Variants in PSMB1 observed in about 807,000 individuals in gnomAD.
PSMB1 encodes proteasome 20S subunit beta 1, also known as proteasome subunit beta type-1.
PSMB1 carries 7 observed loss-of-function variants against 25.4 expected under a neutral mutation model. The ratio of observed to expected loss-of-function variants is 0.28; its 90% CI spans 0.16 to 0.52. PSMB1 has a LOEUF of 0.52. Ranked by LOEUF, PSMB1 falls within the 20% of genes least tolerant of loss-of-function variation. The pLI, the probability that PSMB1 is intolerant of heterozygous loss-of-function variation, is 0.97. For missense variants in PSMB1, 284 were observed against 302.2 expected (o/e 0.94, Z 0.45); for synonymous variants, 119 against 115.0 (o/e 1.03, Z -0.22).
At chr6:170,543,460 C>A in intron 4 of PSMB1, 141 bp downstream of exon 4, 1 of 917,842 alleles carries the variant, frequency 1.1e-6, no homozygotes. Flanking sequence ...GCTTCAGTTT[C>A]TTCATCACTT....
At chr6:170,550,449 T>C (rs1486722780) in intron 1 of PSMB1, 4 of 152,386 alleles carry the variant, frequency 2.6e-5, no homozygotes, top group Admixed American at 6.5e-5. Flanking sequence ...GAATGATCTG[T>C]AGTTGTAACT....
intron 5 of PSMB1, chr6:170,536,355 C>T (rs1389647079): frequency 2.2e-6 from 1 of 446,910 alleles, no homozygotes; most frequent in Non-Finnish European, 4.5e-6. Context: ...CAATGTTCTC[C>T]TTTGTTTTTC....
intron 1 of PSMB1, chr6:170,549,733 A>G (rs570668473): frequency 6.6e-6 from 1 of 152,350 alleles, no homozygotes; most frequent in South Asian, 2.1e-4. Context: ...CGCAGATATG[A>G]GACTGTGGGT....
intron 5 of PSMB1, among the ~76,000 whole-genome samples, 172 bp from the exon 6 acceptor site, chr6:170,535,577 C>T (rs933232374): frequency 6.6e-6 from 1 of 152,160 alleles, no homozygotes; most frequent in African/African-American, 2.4e-5. Context: ...ATGAATTACA[C>T]ACATCAGAAA....
chr6:170,548,294 C>T (rs1778847461), intron 2 of PSMB1, among the ~76,000 whole-genome samples: 1 of 152,160 alleles, frequency 6.6e-6, no homozygotes, highest in African/African-American at 2.4e-5. Flanking sequence ...GTTTAATTAA[C>T]CCAGGAATTC....
intron 3 of PSMB1, among the ~76,000 whole-genome samples, chr6:170,544,461 A>G (rs1778792604): frequency 6.6e-6 from 1 of 152,232 alleles, no homozygotes; most frequent in Non-Finnish European, 1.5e-5. Flanking sequence ...CGAGCCCTAC[A>G]TTACCCACTG....
chr6:170,536,286 T>A (rs1247450787), intron 5 of PSMB1: 2 of 429,324 alleles, frequency 4.7e-6, no homozygotes, highest in Non-Finnish European at 9.2e-6. Flanking sequence ...ACTAGCTATT[T>A]TATCATTTAC....
chr6:170,546,031 G>T, intron 3 of PSMB1, 72 bp downstream of exon 3: 2 of 1,292,100 alleles, frequency 1.5e-6, no homozygotes, highest in Non-Finnish European at 1.1e-6. Context: ...CAACAGTCAT[G>T]CTGTAGGCTT....
At chr6:170,536,081 T>C (rs7752682) in intron 5 of PSMB1, among the ~76,000 whole-genome samples, 1 of 152,150 alleles carries the variant, frequency 6.6e-6, no homozygotes, top group East Asian at 1.9e-4. Flanking sequence ...AGGGACGAAT[T>C]AGAAATACAG....
At chr6:170,548,926 A>G in intron 2 of PSMB1, 80 bp downstream of exon 2, 20 of 1,082,314 alleles carry the variant, frequency 1.8e-5, no homozygotes, top group Non-Finnish European at 2.6e-5. Flanking sequence ...TCATGAAACA[A>G]ATCATTTAGA....
rs1360211854 is a variant in PSMB1, at chr6:170,535,356, T to G, written c.590A>C (p.Asp197Ala). The G allele has an allele frequency of 6.2e-7, 1 of 1,614,132 alleles. No homozygotes were observed. The highest frequency in any genetic ancestry group is 2.2e-5 in the East Asian group (1 of 44,884). ...ATCTTTCACCAGCCGCATGGCTCTG[T>G]CCAAGGACAGCGGAACATGCTCCAC... Reference protein sequence around the residue: ...QNVEHVPLSLDRAMRLVKDVF... With the variant: ...QNVEHVPLSLARAMRLVKDVF... The change falls in exon 6 of 6, where the codon GAC becomes GCC. Residue 197 changes from aspartate to alanine, a missense_variant. Physicochemically the swap from Asp to Ala is moderately radical, Grantham distance 126 (BLOSUM62 -2). Transcript: ENST00000262193.
chr6:170,540,507 C>T (rs1352534321), intron 4 of PSMB1, among the ~76,000 whole-genome samples: 6 of 147,474 alleles, frequency 4.1e-5, no homozygotes, highest in South Asian at 2.1e-4. Context: ...ACCCAGTTAA[C>T]GGCTGTCAGT....
intron 4 of PSMB1, among the ~76,000 whole-genome samples, chr6:170,541,897 T>C (rs1229502927): frequency 1.3e-5 from 2 of 152,216 alleles, no homozygotes; most frequent in African/African-American, 4.8e-5. Context: ...CAAAGGATGC[T>C]GTCTGGCCTG....
intron 2 of PSMB1, among the ~76,000 whole-genome samples, chr6:170,546,785 A>T (rs567642449): frequency 1.3e-5 from 2 of 152,308 alleles, no homozygotes; most frequent in South Asian, 4.1e-4. Flanking sequence ...AGATTTAAAC[A>T]ACACAATCCA....
Position 170,553,118 on chromosome 6 carries a change from T to C in PSMB1, c.113+12A>G, listed in dbSNP as rs1169849992. On this transcript the variant is annotated intron_variant, in intron 1 of 5. Coordinates refer to ENST00000262193, the MANE Select transcript of PSMB1 (RefSeq NM_002793.4). Reference sequence around the variant, plus strand: ...GGCGAAAGTGAAAGCCGCAGCTCTCTGGGGTTTTTACCCTCCGTTGAAAAC... The same window carrying C: ...GGCGAAAGTGAAAGCCGCAGCTCTCCGGGGTTTTTACCCTCCGTTGAAAAC... 25 of 1,595,874 alleles carry C rather than the reference T, an allele frequency of 1.6e-5. No individual in the cohort carries two copies. In the East Asian group the frequency reaches 5.2e-4, roughly 33 times the overall value.
At chr6:170,540,588 CAAAA>C (rs5881872) in intron 4 of PSMB1, among the ~76,000 whole-genome samples, 3 of 61,194 alleles carry the variant, frequency 4.9e-5, no homozygotes, top group South Asian at 7.8e-4. Context: ...GAATGGACAG[CAAAA>C]AAAAAAAAAA....
intron 4 of PSMB1, among the ~76,000 whole-genome samples, chr6:170,538,179 A>C (rs1197028136): frequency 6.6e-6 from 1 of 152,258 alleles, no homozygotes; most frequent in Admixed American, 6.5e-5. Flanking sequence ...TGTTACAAAG[A>C]ACACAGGTGA....
intron 4 of PSMB1, among the ~76,000 whole-genome samples, chr6:170,541,827 G>C (rs1396203037): frequency 2.0e-5 from 3 of 152,168 alleles, no homozygotes; most frequent in Non-Finnish European, 4.4e-5. Context: ...TGAATCTTAG[G>C]TCTGCTGCTT....
chr6:170,546,677 G>A (rs1428743815), intron 2 of PSMB1, among the ~76,000 whole-genome samples: 4 of 152,088 alleles, frequency 2.6e-5, no homozygotes, highest in Non-Finnish European at 5.9e-5. Flanking sequence ...TGTTGGCCAG[G>A]CTGGTCTCAA....
Sources: gnomAD v4.1 joint callset for allele counts (sites outside exome capture counted in the v4.1 genomes callset) on GRCh38, gnomAD v4.1.1 for gene constraint, MANE v1.5 for transcripts, NCBI Gene and HGNC (gene_info 2026-07-23, HGNC 2026-07-21) for gene names.